Variants in ADGRB3 observed in about 807,000 individuals in gnomAD.
ADGRB3 encodes adhesion G protein-coupled receptor B3, also known as brain-specific angiogenesis inhibitor 3.
In ADGRB3, 37 loss-of-function variants were observed where a neutral mutation model predicts 193.4. That is an observed-to-expected ratio of 0.19 (90% CI 0.15 to 0.25). The LOEUF (loss-of-function observed/expected upper bound fraction) is 0.25. ADGRB3 is among the 10% of genes least tolerant of loss of function. ADGRB3 has a pLI of 1.00. For missense variants in ADGRB3, 1,637 were observed against 1,852.9 expected, an observed-to-expected ratio of 0.88 and a Z score of 2.14; for synonymous variants, 690 against 644.2, an observed-to-expected ratio of 1.07 and a Z score of -1.08.
chr6:69,320,685 C>CT (rs1381066035), intron 20 of ADGRB3, among the ~76,000 whole-genome samples: 1 of 151,570 alleles, frequency 6.6e-6, no homozygotes, highest in Admixed American at 6.6e-5. Context: ...CCCTGGGTTG[C>CT]TTGCAAAGAA....
intron 3 of ADGRB3, among the ~76,000 whole-genome samples, chr6:68,646,063 A>G (rs76853525): frequency 0.027 from 4,041 of 152,258 alleles, 169 homozygotes; most frequent in African/African-American, 0.091. Flanking sequence ...TATTTCAGAC[A>G]TATCTATATT....
chr6:69,010,134 G>T (rs1769890936), intron 11 of ADGRB3, among the ~76,000 whole-genome samples: 1 of 151,872 alleles, frequency 6.6e-6, no homozygotes. Flanking sequence ...AATACTTCCG[G>T]CAAAGAAAGA....
chr6:68,859,521 C>G (rs1327136478), intron 3 of ADGRB3, among the ~76,000 whole-genome samples: 1 of 152,016 alleles, frequency 6.6e-6, no homozygotes, highest in Non-Finnish European at 1.5e-5. Context: ...TGGACTTACA[C>G]TTTGACATTG....
At chr6:68,932,096 T>A (rs1467198972) in intron 4 of ADGRB3, among the ~76,000 whole-genome samples, 2 of 152,110 alleles carry the variant, frequency 1.3e-5, no homozygotes, top group Non-Finnish European at 2.9e-5. Context: ...AGACATTAAG[T>A]CAAGGCACAC....
chr6:69,316,663 A>G (rs865847043), intron 20 of ADGRB3, among the ~76,000 whole-genome samples: 1 of 151,426 alleles, frequency 6.6e-6, no homozygotes, highest in Non-Finnish European at 1.5e-5. Flanking sequence ...ACATCCTATT[A>G]ATTAGCTTTG....
intron 13 of ADGRB3, among the ~76,000 whole-genome samples, chr6:69,038,019 G>C (rs144669712): frequency 3.8e-4 from 58 of 152,280 alleles, no homozygotes; most frequent in African/African-American, 1.4e-3. Context: ...TTGTTCATTT[G>C]TTAAATTCTT....
intron 17 of ADGRB3, among the ~76,000 whole-genome samples, chr6:69,227,941 G>T (rs1766053846): frequency 6.6e-6 from 1 of 152,146 alleles, no homozygotes; most frequent in African/African-American, 2.4e-5. Context: ...AGTATTAAAA[G>T]TTATCCATTA....
chr6:68,664,118 T>G (rs781042170), intron 3 of ADGRB3, among the ~76,000 whole-genome samples: 3 of 151,864 alleles, frequency 2.0e-5, no homozygotes, highest in Non-Finnish European at 4.4e-5. Flanking sequence ...CTTAATTTAC[T>G]TTTATTTCTC....
intron 3 of ADGRB3, among the ~76,000 whole-genome samples, chr6:68,882,030 C>G (rs959879406): frequency 6.6e-6 from 1 of 152,028 alleles, no homozygotes; most frequent in African/African-American, 2.4e-5. Context: ...TTTTGTTCTC[C>G]TAGGTGTTGA....
intron 10 of ADGRB3, among the ~76,000 whole-genome samples, chr6:68,986,724 A>C (rs1232733067): frequency 6.6e-6 from 1 of 152,190 alleles, no homozygotes; most frequent in Non-Finnish European, 1.5e-5. Context: ...CTTTTAATTG[A>C]AGCCACTTAG....
rs562239728 is a variant in ADGRB3 at position 68,971,367 on chromosome 6, C to G, written c.1526-3396C>G. 6.6e-5 allele frequency among the ~76,000 whole-genome samples: 10 copies of G among 152,308 alleles called. No individual in the cohort carries two copies. In the East Asian group the frequency reaches 1.5e-3, roughly 23 times the overall value. On this transcript the variant is annotated intron_variant, in intron 8 of 31. Coordinates refer to ENST00000370598, the MANE Select transcript of ADGRB3 (RefSeq NM_001704.3). The stretch of plus-strand genomic sequence containing the variant: ...CCTGTGTCTACTAAAATCCTGTCTA[C>G]TCAATGCCTGCAGACCACCCTGCAG...
chr6:69,064,192 T>TA (rs1771831969), intron 16 of ADGRB3, among the ~76,000 whole-genome samples: 1 of 152,020 alleles, frequency 6.6e-6, no homozygotes, highest in Non-Finnish European at 1.5e-5. Context: ...TTTTCTAAGA[T>TA]GAGCCAGGCT....
intron 3 of ADGRB3, among the ~76,000 whole-genome samples, chr6:68,890,456 G>A (rs150131656): frequency 0.012 from 1,773 of 152,294 alleles, 66 homozygotes; most frequent in Admixed American, 0.066. Context: ...GCAATCTTTA[G>A]AAAGATGTTA....
chr6:68,663,011 G>A lies in ADGRB3; in HGVS notation c.757+23579G>A, dbSNP rs150718557. Among the ~76,000 whole-genome samples the A allele has an allele frequency of 3.6e-3, 548 of 150,838 alleles. 8 individuals carry two copies. The highest frequency in any genetic ancestry group is 0.024 in the Admixed American group (367 of 15,070). On this transcript the variant is annotated intron_variant, in intron 3 of 31. Coordinates refer to ENST00000370598, the MANE Select transcript of ADGRB3 (RefSeq NM_001704.3). ...AATAACTTTCTAGTAAACCCATTAC[G>A]TCAGCTTTCAACAATGTTATATGGA... is the stretch of plus-strand genomic sequence containing the variant.
chr6:69,360,099 T>C (rs1035595191), intron 28 of ADGRB3, among the ~76,000 whole-genome samples: 1 of 151,962 alleles, frequency 6.6e-6, no homozygotes, highest in African/African-American at 2.4e-5. Flanking sequence ...CTACAAGTTA[T>C]CATAGATTTT....
At chr6:68,687,234 G>C (rs1764998648) in intron 3 of ADGRB3, among the ~76,000 whole-genome samples, 1 of 151,764 alleles carries the variant, frequency 6.6e-6, no homozygotes. Flanking sequence ...TCCATTATTA[G>C]TGTTATGAAG....
chr6:68,900,585 C>T (rs754098294), intron 3 of ADGRB3, among the ~76,000 whole-genome samples: 2 of 152,126 alleles, frequency 1.3e-5, no homozygotes, highest in Non-Finnish European at 2.9e-5. Context: ...CAGTCAGTGT[C>T]CTTCCCCAGC....
At chr6:68,679,268 G>T (rs890275156) in intron 3 of ADGRB3, among the ~76,000 whole-genome samples, 1 of 152,154 alleles carries the variant, frequency 6.6e-6, no homozygotes, top group African/African-American at 2.4e-5. Context: ...TCATGTAACA[G>T]TTCAGTGAAC....
intron 3 of ADGRB3, among the ~76,000 whole-genome samples, chr6:68,711,689 G>A (rs1009592610): frequency 1.3e-5 from 2 of 152,012 alleles, no homozygotes; most frequent in East Asian, 3.9e-4. Context: ...TCTGCTGTTA[G>A]CCCATCCCTT....
Sources: gnomAD v4.1 joint callset for allele counts (sites outside exome capture counted in the v4.1 genomes callset) on GRCh38, gnomAD v4.1.1 for gene constraint, MANE v1.5 for transcripts, NCBI Gene and HGNC (gene_info 2026-07-23, HGNC 2026-07-21) for gene names.